Variants in CNTNAP2 observed in about 807,000 individuals in gnomAD.
CNTNAP2 encodes contactin-associated protein-like 2.
Under a neutral mutation model 155.2 loss-of-function variants are expected in CNTNAP2, and 98 were observed. The ratio of observed to expected loss-of-function variants is 0.63; its 90% CI spans 0.54 to 0.75. CNTNAP2 has a LOEUF of 0.75. CNTNAP2 is among the 30% of genes least tolerant of loss of function. The pLI, the probability that CNTNAP2 is intolerant of heterozygous loss-of-function variation, is 0.00. For missense variants in CNTNAP2, 1,727 were observed against 1,688.1 expected (o/e 1.02, Z -0.40); for synonymous variants, 651 against 631.2 (o/e 1.03, Z -0.47).
At chr7:146,142,191 A>G (rs1188581767) in intron 1 of CNTNAP2, among the ~76,000 whole-genome samples, 1 of 152,350 alleles carries the variant, frequency 6.6e-6, no homozygotes, top group East Asian at 1.9e-4. Context: ...AGAGGTCTGC[A>G]TGAATTAGAA....
chr7:146,276,728 A>AT (rs1332532008), intron 1 of CNTNAP2, among the ~76,000 whole-genome samples: 3 of 152,142 alleles, frequency 2.0e-5, no homozygotes, highest in Non-Finnish European at 4.4e-5. Context: ...CCACATTTGA[A>AT]TGGACTGAGG....
intron 1 of CNTNAP2, among the ~76,000 whole-genome samples, chr7:146,563,057 T>G (rs1584982982): frequency 6.6e-6 from 1 of 152,268 alleles, no homozygotes; most frequent in East Asian, 1.9e-4. Flanking sequence ...ACATAGCTAG[T>G]TGCACACACA....
intron 3 of CNTNAP2, among the ~76,000 whole-genome samples, chr7:146,948,146 A>G (rs1016721474): frequency 3.9e-5 from 6 of 152,092 alleles, no homozygotes; most frequent in Non-Finnish European, 8.8e-5. Context: ...TCTGTTTGCT[A>G]TTTATCTTTT....
At chr7:146,834,190 C>T (rs1348626518) in intron 2 of CNTNAP2, among the ~76,000 whole-genome samples, 1 of 152,136 alleles carries the variant, frequency 6.6e-6, no homozygotes, top group Non-Finnish European at 1.5e-5. Context: ...CCATTTATCA[C>T]TACAACAGAA....
chr7:147,736,561 G>A (rs10254561), intron 13 of CNTNAP2, among the ~76,000 whole-genome samples: 24,621 of 152,164 alleles, frequency 0.16, 3,607 homozygotes, highest in African/African-American at 0.4. Flanking sequence ...GAATTTGAAT[G>A]TTGACCTGCT....
rs548261692 is a variant in CNTNAP2 at position 147,958,539 on chromosome 7, A to C, written c.2256-19323A>C. Among the ~76,000 whole-genome samples, 3 of 152,292 alleles carry C rather than the reference A, an allele frequency of 2.0e-5. No homozygotes were observed. The South Asian group carries it at 6.2e-4, about 32-fold the overall frequency. ...ATAACTGCCTAAGAGATGGATGTTT[A>C]TATTGATTTTATGGTAGATATTTTC... On this transcript the variant is annotated intron_variant, in intron 14 of 23. Coordinates refer to ENST00000361727, the MANE Select transcript of CNTNAP2 (RefSeq NM_014141.6).
chr7:146,665,783 T>TAAAAAAAAAAAAAAAAAAAAAAAA (rs750837961), intron 1 of CNTNAP2, among the ~76,000 whole-genome samples: 2 of 48,306 alleles, frequency 4.1e-5, no homozygotes, highest in African/African-American at 1.1e-4. Flanking sequence ...TCTGTCTCAT[T>TAAAAAAAAAAAAAAAAAAAAAAAA]AAAAAAAAAA....
chr7:146,207,946 T>G (rs1798973134), intron 1 of CNTNAP2, among the ~76,000 whole-genome samples: 1 of 151,960 alleles, frequency 6.6e-6, no homozygotes, highest in South Asian at 2.1e-4. Context: ...AGCCCAAAAT[T>G]TTAGTATATT....
At chr7:147,521,529 C>G (rs574574435) in intron 11 of CNTNAP2, among the ~76,000 whole-genome samples, 3 of 152,314 alleles carry the variant, frequency 2.0e-5, no homozygotes, top group East Asian at 3.9e-4. Flanking sequence ...AAAGGAAGAG[C>G]CTGCCCCAAG....
intron 8 of CNTNAP2, among the ~76,000 whole-genome samples, chr7:147,209,431 T>A (rs1240499589): frequency 6.6e-6 from 1 of 152,036 alleles, no homozygotes; most frequent in Non-Finnish European, 1.5e-5. Context: ...ACTGATTTTT[T>A]AAATTGATTT....
chr7:148,293,804 G>A (rs1352461330), intron 21 of CNTNAP2, among the ~76,000 whole-genome samples: 1 of 152,022 alleles, frequency 6.6e-6, no homozygotes, highest in East Asian at 1.9e-4. Flanking sequence ...GGAGGTCGAG[G>A]CAGGCACATC....
At chr7:146,714,154 T>C (rs1441686652) in intron 1 of CNTNAP2, among the ~76,000 whole-genome samples, 3 of 152,196 alleles carry the variant, frequency 2.0e-5, no homozygotes, top group Admixed American at 2.0e-4. Context: ...TGACGCATGA[T>C]CATGGCTATT....
chr7:147,968,926 A>G (rs1801275993), intron 14 of CNTNAP2, among the ~76,000 whole-genome samples: 1 of 152,190 alleles, frequency 6.6e-6, no homozygotes, highest in Non-Finnish European at 1.5e-5. Flanking sequence ...AGTAGAGGAG[A>G]TTGGCTTTAT....
intron 15 of CNTNAP2, among the ~76,000 whole-genome samples, chr7:148,037,287 C>T (rs1015274587): frequency 2.6e-5 from 4 of 152,138 alleles, no homozygotes; most frequent in African/African-American, 9.7e-5. Context: ...AAATGGCAAT[C>T]TTCATGTAAA....
chr7:146,943,578 T>C (rs1199016930), intron 3 of CNTNAP2, among the ~76,000 whole-genome samples: 2 of 152,214 alleles, frequency 1.3e-5, no homozygotes, highest in Non-Finnish European at 2.9e-5. Flanking sequence ...CTAAGTTACA[T>C]CATCTGTTTA....
chr7:146,929,517 T>G (rs1200304401), intron 3 of CNTNAP2, among the ~76,000 whole-genome samples: 3 of 152,130 alleles, frequency 2.0e-5, no homozygotes, highest in Non-Finnish European at 4.4e-5. Flanking sequence ...CTGGAAACTC[T>G]GAAAAGCAGA....
At chr7:146,853,650 T>C (rs995156899) in intron 3 of CNTNAP2, among the ~76,000 whole-genome samples, 6 of 152,176 alleles carry the variant, frequency 3.9e-5, no homozygotes, top group Admixed American at 2.0e-4. Flanking sequence ...GGCTTTTTCC[T>C]TGGCTTTATG....
chr7:146,565,890 G>T (rs141129958), intron 1 of CNTNAP2, among the ~76,000 whole-genome samples: 1 of 152,324 alleles, frequency 6.6e-6, no homozygotes, highest in Non-Finnish European at 1.5e-5. Context: ...AGTAATCAAG[G>T]ATTATGGTAT....
At chr7:146,886,616 A>G (rs2129210560) in intron 3 of CNTNAP2, among the ~76,000 whole-genome samples, 1 of 152,040 alleles carries the variant, frequency 6.6e-6, no homozygotes, top group South Asian at 2.1e-4. Context: ...TGATGATCAC[A>G]TCTTTTTCTT....
Sources: gnomAD v4.1 joint callset for allele counts (sites outside exome capture counted in the v4.1 genomes callset) on GRCh38, gnomAD v4.1.1 for gene constraint, MANE v1.5 for transcripts, NCBI Gene and HGNC (gene_info 2026-07-23, HGNC 2026-07-21) for gene names.